Variants in PAX7 observed in about 807,000 individuals in gnomAD.
PAX7 encodes the protein paired box 7, also known as paired box protein Pax-7.
PAX7 carries 18 observed loss-of-function variants against 50.7 expected under a neutral mutation model. The ratio of observed to expected loss-of-function variants is 0.36; its 90% confidence interval spans 0.25 to 0.53. PAX7 has a LOEUF of 0.53. Among genes scored for constraint, PAX7 ranks in the 20% least tolerant of loss-of-function variants. The pLI is 0.93. For missense variants in PAX7, 644 were observed against 702.9 expected, an observed-to-expected ratio of 0.92 and a Z score of 0.95; for synonymous variants, 310 against 290.4, an observed-to-expected ratio of 1.07 and a Z score of -0.69.
chr1:18,691,427 A>G (rs1051895761), intron 4 of PAX7, among the ~76,000 whole-genome samples: 3 of 152,182 alleles, frequency 2.0e-5, no homozygotes, highest in African/African-American at 7.2e-5. Flanking sequence ...ACATCCTTGC[A>G]TGTCAGTGGA....
At chr1:18,679,547 C>G (rs996318857) in intron 4 of PAX7, among the ~76,000 whole-genome samples, 2 of 152,194 alleles carry the variant, frequency 1.3e-5, no homozygotes, top group African/African-American at 4.8e-5. Flanking sequence ...GCCTCCCCTG[C>G]TCCAGCTTCC....
chr1:18,715,621 C>T (rs1406305163), intron 7 of PAX7, among the ~76,000 whole-genome samples: 1 of 152,170 alleles, frequency 6.6e-6, no homozygotes. Flanking sequence ...AGTGCTTGGG[C>T]TCAATCCCCA....
chr1:18,735,527 A>G lies in PAX7; in HGVS notation c.1156-105A>G. ...AAGCTACAGAGACTTCAAGGGAACA[A>G]CTCTGGCAAAGAGTGTTCCAGGGCC... On this transcript the variant is annotated intron_variant, in intron 7 of 8. Coordinates refer to ENST00000420770, the MANE Select transcript of PAX7 (RefSeq NM_001135254.2). The surrounding 1 kb of genome is among the most constrained non-coding windows in gnomAD (Gnocchi z 4.0). 2 of 1,517,932 alleles carry G rather than the reference A, an allele frequency of 1.3e-6. No homozygotes were observed. Among genetic ancestry groups the G allele is most frequent in the South Asian group, 1.3e-5 (1 of 76,434 alleles). The allele number at this position is 1,517,932 out of a possible 1,614,324, so 94.0% of individuals were successfully genotyped here.
chr1:18,727,409 CAG>C (rs2089589618), intron 7 of PAX7, among the ~76,000 whole-genome samples: 1 of 139,866 alleles, frequency 7.1e-6, no homozygotes, highest in Non-Finnish European at 1.5e-5. Flanking sequence ...CACACACACA[CAG>C]AGTTAACACT....
rs370911971 is a variant in PAX7, at chr1:18,700,236, G to A, written c.787-417G>A. Reference sequence around the variant, plus strand: ...GGTCTCATTCAGGTGGGTTGCAGATGCGTGGCTTCCTCCTGGGGGGCTTCC... The same window carrying A: ...GGTCTCATTCAGGTGGGTTGCAGATACGTGGCTTCCTCCTGGGGGGCTTCC... On this transcript the variant is annotated intron_variant, in intron 5 of 8. Transcript: ENST00000420770. The surrounding 1 kb of genome is among the most constrained non-coding windows in gnomAD (Gnocchi z 4.8). 2.0e-5 allele frequency among the ~76,000 whole-genome samples: 3 copies of A among 152,136 alleles called. No individual in the cohort carries two copies. Among genetic ancestry groups the A allele is most frequent in the African/African-American group, 7.2e-5 (3 of 41,514 alleles).
In PAX7 at chr1:18,656,812, C is replaced by T. The variant is rs191901023; in HGVS notation, c.586+20441C>T. On this transcript the variant is annotated intron_variant, in intron 4 of 8. Transcript: ENST00000420770. ...GAGTTAGAGAGCAGCCTGGGTGACA[C>T]GAACCCTCTCTCTACCAAAAAATAA... 5.5e-3 allele frequency among the ~76,000 whole-genome samples: 831 copies of T among 151,876 alleles called. 4 individuals are homozygous for T. Among genetic ancestry groups the T allele is most frequent in the Non-Finnish European group, 8.3e-3 (562 of 67,946 alleles).
rs2089209227 is a variant in PAX7 at position 18,700,778 on chromosome 1, G to A, written c.912G>A (p.Gln304=). Residue 304 remains glutamine (Q), a synonymous_variant, in exon 6 of 9, where the codon CAG becomes CAA. Transcript: ENST00000420770. This position sits in a 1 kb window ranked among gnomAD's most constrained non-coding sequence, Gnocchi z 4.8. ...GCATGCCCACGCTGCCCCCCTACCA[G>A]CTGCCGGACTCCACCTACCCCACCA... ...PTGMPTLPPY[Q]LPDSTYPTTT... 1.3e-6 allele frequency: 2 copies of A among 1,579,494 alleles called. No homozygotes were observed. The highest frequency in any genetic ancestry group is 1.7e-4 in the Middle Eastern group (1 of 5,994).
chr1:18,724,316 G>C (rs2089529601), intron 7 of PAX7, among the ~76,000 whole-genome samples: 1 of 152,248 alleles, frequency 6.6e-6, no homozygotes, highest in Admixed American at 6.5e-5. Flanking sequence ...CTGGCAGCAG[G>C]CTGCAGAGGC....
chr1:18,735,633 T>C lies in PAX7; in HGVS notation c.1157T>C (p.Val386Ala). The C allele has an allele frequency of 1.2e-6, 2 of 1,610,816 alleles. No individual in the cohort carries two copies. The highest frequency in any genetic ancestry group is 4.5e-5 in the East Asian group (2 of 44,792). Residue 386 changes from valine (V) to alanine (A), a missense_variant and splice_region_variant, in exon 8 of 9, where the codon GTG becomes GCG. Physicochemically the swap from Val to Ala is moderately conservative, Grantham distance 64 (BLOSUM62 0). Transcript: ENST00000420770. The surrounding 1 kb of genome is among the most constrained non-coding windows in gnomAD (Gnocchi z 4.0). The stretch of plus-strand genomic sequence containing the variant: ...GCACTAATGGCCTTTTCCCCACAGG[T>C]GATGAGCATCTTGGGCAACCCCAGT... Reference protein sequence around the residue: ...NPVSNGLSPQVMSILGNPSAV... With the variant: ...NPVSNGLSPQAMSILGNPSAV...
chr1:18,655,800 T>TGC (rs756735758), intron 4 of PAX7, among the ~76,000 whole-genome samples: 1 of 151,750 alleles, frequency 6.6e-6, no homozygotes, highest in Non-Finnish European at 1.5e-5. Context: ...TGTGTGTGTG[T>TGC]GTGTGTGTGT....
chr1:18,712,617 G>C (rs998872322), intron 7 of PAX7, among the ~76,000 whole-genome samples: 1 of 152,182 alleles, frequency 6.6e-6, no homozygotes, highest in African/African-American at 2.4e-5. Context: ...CTGGCGGATT[G>C]CCTGGCTTTC....
At chr1:18,706,460 CTTTTTTTTTTT>C (rs71027391) in intron 7 of PAX7, among the ~76,000 whole-genome samples, 1 of 98,676 alleles carries the variant, frequency 1.0e-5, no homozygotes, top group Non-Finnish European at 2.0e-5. Context: ...CTCTCTCTCT[CTTTTTTTTTTT>C]TTTTTTTTGA....
chr1:18,694,418 C>T (rs2089122711), intron 5 of PAX7, among the ~76,000 whole-genome samples: 1 of 151,388 alleles, frequency 6.6e-6, no homozygotes, highest in African/African-American at 2.4e-5. Flanking sequence ...GAGATCATGC[C>T]ATTGCACTCC....
chr1:18,687,288 G>C (rs1391171722), intron 4 of PAX7, among the ~76,000 whole-genome samples: 1 of 152,136 alleles, frequency 6.6e-6, no homozygotes, highest in Non-Finnish European at 1.5e-5. Flanking sequence ...GAAAACCAAG[G>C]TCCTGAGAAG....
intron 7 of PAX7, among the ~76,000 whole-genome samples, chr1:18,731,356 C>T (rs1453915861): frequency 2.0e-5 from 3 of 152,176 alleles, no homozygotes; most frequent in East Asian, 1.9e-4. Flanking sequence ...AAACCTCTCC[C>T]TGTGTGCTCT....
At chr1:18,713,709 G>A (rs898129360) in intron 7 of PAX7, among the ~76,000 whole-genome samples, 1 of 152,204 alleles carries the variant, frequency 6.6e-6, no homozygotes, top group Non-Finnish European at 1.5e-5. Flanking sequence ...AAGACCAGAG[G>A]AAGTCTAGAG....
intron 4 of PAX7, among the ~76,000 whole-genome samples, chr1:18,656,307 A>G (rs1201658553): frequency 4.6e-5 from 7 of 151,964 alleles, no homozygotes; most frequent in African/African-American, 1.7e-4. Context: ...CAGCCTGGAC[A>G]ACATGGTGAA....
chr1:18,702,645 C>A (rs1401822778), intron 6 of PAX7, among the ~76,000 whole-genome samples: 1 of 152,132 alleles, frequency 6.6e-6, no homozygotes, highest in Non-Finnish European at 1.5e-5. Flanking sequence ...CCCAAGCCCA[C>A]CAAGCCTTGG....
Position 18,735,606 on chromosome 1 carries a change from T to C in PAX7, c.1156-26T>C, listed in dbSNP as rs1360146908. 2 of 1,596,396 alleles carry C rather than the reference T, an allele frequency of 1.3e-6. No individual in the cohort carries two copies. Among genetic ancestry groups the C allele is most frequent in the Non-Finnish European group, 1.7e-6 (2 of 1,168,490 alleles). ...GTCTCTGGGGTCTGTCCGGTGAGCC[T>C]GGCACTAATGGCCTTTTCCCCACAG... On this transcript the variant is annotated intron_variant, in intron 7 of 8. Coordinates refer to ENST00000420770, the MANE Select transcript of PAX7 (RefSeq NM_001135254.2). The surrounding 1 kb of genome is among the most constrained non-coding windows in gnomAD (Gnocchi z 4.0).
Sources: allele counts gnomAD v4.1 joint callset (sites outside exome capture counted in the v4.1 genomes callset), GRCh38; gene constraint gnomAD v4.1.1; non-coding constraint Gnocchi (gnomAD v3.1); transcripts MANE v1.5; gene names NCBI Gene and HGNC (gene_info 2026-07-23, HGNC 2026-07-21).